The following MTMR7 variants were observed in gnomAD, a reference collection of about 807,000 sequenced individuals.
MTMR7 encodes phosphatidylinositol-3-phosphate phosphatase MTMR7.
MTMR7 carries 76 observed loss-of-function variants against 81.2 expected under a neutral mutation model. That is an observed-to-expected ratio of 0.94 (90% CI 0.78 to 1.13). MTMR7 has a LOEUF of 1.13. Ranked by LOEUF, MTMR7 falls within the 50% of genes most tolerant of loss-of-function variation. The pLI, the probability that MTMR7 is intolerant of heterozygous loss-of-function variation, is 0.00. For missense variants in MTMR7, 1,044 were observed against 820.0 expected, an observed-to-expected ratio of 1.27 and a Z score of -3.34; for synonymous variants, 372 against 289.8, an observed-to-expected ratio of 1.28 and a Z score of -2.88.
chr8:17,366,951 T>C (rs565639134), intron 3 of MTMR7, among the ~76,000 whole-genome samples: 2 of 151,072 alleles, frequency 1.3e-5, no homozygotes, highest in African/African-American at 4.9e-5. Context: ...CAGCTATTAC[T>C]GGATTTTGCA....
intron 2 of MTMR7, 101 bp downstream of exon 2, chr8:17,373,017 A>G: frequency 7.0e-7 from 1 of 1,432,960 alleles, no homozygotes; most frequent in Non-Finnish European, 9.5e-7. Flanking sequence ...TCCAGGCACA[A>G]AAGCCCACCC....
chr8:17,324,176 T>C (rs372129560), intron 7 of MTMR7, among the ~76,000 whole-genome samples: 17 of 152,246 alleles, frequency 1.1e-4, no homozygotes, highest in Admixed American at 3.3e-4. Context: ...TAGGTCAAAA[T>C]TGGTTACTTC....
At chr8:17,302,912 T>TGTTGGTCAG (rs1255723005) in intron 12 of MTMR7, among the ~76,000 whole-genome samples, 1 of 151,882 alleles carries the variant, frequency 6.6e-6, no homozygotes, top group Non-Finnish European at 1.5e-5. Context: ...GGTTTCACCA[T>TGTTGGTCAG]GTTGGTCAGG....
chr8:17,323,317 C>T (rs193253484), intron 7 of MTMR7, among the ~76,000 whole-genome samples: 24 of 152,002 alleles, frequency 1.6e-4, no homozygotes, highest in Admixed American at 3.3e-4. Context: ...ACACTGGGGT[C>T]GAAATCTACA....
Position 17,305,936 on chromosome 8 carries a change from G to T in MTMR7, c.1173C>A (p.Asp391Glu). The change falls in exon 11 of 14, where the codon GAC becomes GAA. Residue 391 changes from aspartate (D) to glutamate (E), a missense_variant. Physicochemically the swap from Asp to Glu is conservative, Grantham distance 45 (BLOSUM62 2). Transcript: ENST00000180173. The part of the protein sequence containing the change: ...FNHRYGNLDG[D>E]PKEISPVIDQ... Reference sequence around the variant, plus strand: ...CAATAACTGGAGAGATTTCTTTTGGGTCACCATCTAGATTGCCATATCTAT... The same window carrying T: ...CAATAACTGGAGAGATTTCTTTTGGTTCACCATCTAGATTGCCATATCTAT... The T allele has an allele frequency of 6.2e-7, 1 of 1,613,154 alleles. No homozygotes were observed. Among genetic ancestry groups the T allele is most frequent in the African/African-American group, 1.3e-5 (1 of 74,974 alleles).
chr8:17,411,319 G>C (rs1821728139), intron 1 of MTMR7, among the ~76,000 whole-genome samples: 1 of 152,076 alleles, frequency 6.6e-6, no homozygotes, highest in African/African-American at 2.4e-5. Flanking sequence ...TTCTAAGAAG[G>C]CTTCCCTTGA....
chr8:17,359,258 C>A (rs1819989895), intron 4 of MTMR7, among the ~76,000 whole-genome samples: 1 of 152,040 alleles, frequency 6.6e-6, no homozygotes, highest in African/African-American at 2.4e-5. Context: ...TGACGGACTA[C>A]TGTACAATCA....
chr8:17,303,754 C>A (rs558815573), intron 12 of MTMR7, among the ~76,000 whole-genome samples: 1 of 152,028 alleles, frequency 6.6e-6, no homozygotes, highest in Admixed American at 6.6e-5. Context: ...GGATTACAGG[C>A]GCTCACCACC....
intron 4 of MTMR7, among the ~76,000 whole-genome samples, chr8:17,354,298 T>G (rs1305318827): frequency 6.6e-6 from 1 of 152,202 alleles, no homozygotes; most frequent in Non-Finnish European, 1.5e-5. Context: ...AAAATATAGC[T>G]GTGGAGAACT....
At chr8:17,412,894 A>C (rs554653954) in intron 1 of MTMR7, among the ~76,000 whole-genome samples, 3 of 152,228 alleles carry the variant, frequency 2.0e-5, no homozygotes, top group Admixed American at 6.5e-5. Context: ...CGAAAGGCTT[A>C]TTTCCCTTTC....
At chr8:17,366,082 TC>T (rs1487321886) in intron 3 of MTMR7, among the ~76,000 whole-genome samples, 1 of 152,122 alleles carries the variant, frequency 6.6e-6, no homozygotes, top group Non-Finnish European at 1.5e-5. Context: ...TAACCCCACT[TC>T]CTACTTCCCA....
intron 6 of MTMR7, among the ~76,000 whole-genome samples, chr8:17,337,423 A>G (rs528605917): frequency 1.3e-4 from 20 of 152,170 alleles, no homozygotes; most frequent in African/African-American, 4.1e-4. Flanking sequence ...CCCAGAACAA[A>G]TTAATGACAA....
intron 1 of MTMR7, among the ~76,000 whole-genome samples, chr8:17,379,968 G>C (rs1242275618): frequency 6.6e-6 from 1 of 152,162 alleles, no homozygotes; most frequent in Non-Finnish European, 1.5e-5. Flanking sequence ...CTGAGGGTTT[G>C]GAGGAGGGGA....
At chr8:17,364,657 G>A (rs1169864213) in intron 3 of MTMR7, among the ~76,000 whole-genome samples, 1 of 152,132 alleles carries the variant, frequency 6.6e-6, no homozygotes, top group Non-Finnish European at 1.5e-5. Flanking sequence ...CCACATGTAA[G>A]TGAGAACATA....
At position 17,313,280 on chromosome 8, in the gene MTMR7, G is replaced by C. The variant is rs1817890235; in HGVS notation, c.975+12C>G. ...ATCTGTCCCTTAATTTATTTTCTCTGCAATTGCATACCTTTGCAATGAAGA... is the reference window on the plus strand; with the variant it reads ...ATCTGTCCCTTAATTTATTTTCTCTCCAATTGCATACCTTTGCAATGAAGA... On this transcript the variant is annotated intron_variant, in intron 8 of 13. Coordinates refer to ENST00000180173, the MANE Select transcript of MTMR7 (RefSeq NM_004686.5). 6.3e-7 allele frequency: 1 copy of C among 1,578,272 alleles called. No individual in the cohort carries two copies. Among genetic ancestry groups the C allele is most frequent in the Non-Finnish European group, 8.7e-7 (1 of 1,149,736 alleles).
chr8:17,325,145 C>G (rs965331221), intron 7 of MTMR7, among the ~76,000 whole-genome samples: 3 of 152,010 alleles, frequency 2.0e-5, no homozygotes, highest in Non-Finnish European at 2.9e-5. Flanking sequence ...AGCCTCTCCT[C>G]TCCAAGCAGA....
At chr8:17,310,021 G>C (rs1177193779) in intron 9 of MTMR7, among the ~76,000 whole-genome samples, 2 of 151,910 alleles carry the variant, frequency 1.3e-5, no homozygotes, top group African/African-American at 4.8e-5. Flanking sequence ...TTATTTTTGA[G>C]ACAGGATCTC....
chr8:17,349,160 C>T, intron 4 of MTMR7, 79 bp from the exon 5 acceptor site: 7 of 1,531,382 alleles, frequency 4.6e-6, no homozygotes, highest in Non-Finnish European at 6.3e-6. Flanking sequence ...TCCACTTCAC[C>T]ACGCTTACAG....
At chr8:17,385,709 G>A (rs1241653364) in intron 1 of MTMR7, among the ~76,000 whole-genome samples, 1 of 152,098 alleles carries the variant, frequency 6.6e-6, no homozygotes, top group Admixed American at 6.5e-5. Context: ...GTTTAAAAGG[G>A]TACAGCACCT....
Sources: allele counts gnomAD v4.1 joint callset (sites outside exome capture counted in the v4.1 genomes callset), GRCh38; gene constraint gnomAD v4.1.1; transcripts MANE v1.5; gene names NCBI Gene and HGNC (gene_info 2026-07-23, HGNC 2026-07-21).